LOXHD1: variants seen among roughly 807,000 people sequenced by gnomAD.
LOXHD1 encodes lipoxygenase homology PLAT domains 1.
LOXHD1 carries 205 observed loss-of-function variants against 248.2 expected under a neutral mutation model. The observed-to-expected ratio is 0.83, with a 90% CI of 0.74 to 0.93. The LOEUF is 0.93. LOXHD1 is among the 40% of genes least tolerant of loss of function. The probability of loss-of-function intolerance (pLI) is 0.00; values close to 1 mark genes in which losing one functional copy is unlikely to be tolerated. For missense variants in LOXHD1, 2,930 were observed against 2,971.6 expected, an observed-to-expected ratio of 0.99 and a Z score of 0.33; for synonymous variants, 1,113 against 1,162.8, an observed-to-expected ratio of 0.96 and a Z score of 0.87.
At chr18:46,577,685 C>T in intron 14 of LOXHD1, 22 bp downstream of exon 14, 3 of 1,545,798 alleles carry the variant, frequency 1.9e-6, no homozygotes, top group Non-Finnish European at 2.6e-6. Flanking sequence ...GGAGAAAACA[C>T]CAGCAGGCAG....
At chr18:46,597,503 T>A (rs952792284) in intron 8 of LOXHD1, among the ~76,000 whole-genome samples, 4 of 151,700 alleles carry the variant, frequency 2.6e-5, no homozygotes, top group Non-Finnish European at 5.9e-5. Flanking sequence ...ATAAGAAATA[T>A]CTACCACCTT....
chr18:46,637,212 CA>C (rs2038904123), intron 4 of LOXHD1, among the ~76,000 whole-genome samples: 5 of 152,178 alleles, frequency 3.3e-5, no homozygotes, highest in Admixed American at 3.3e-4. Flanking sequence ...ACCCCTTTTT[CA>C]TTCCATTCTC....
chr18:46,609,455 C>A (rs2038471713), intron 6 of LOXHD1, among the ~76,000 whole-genome samples: 1 of 152,200 alleles, frequency 6.6e-6, no homozygotes, highest in Admixed American at 6.5e-5. Context: ...TATCAGACAG[C>A]CTCATTCTTT....
chr18:46,505,877 C>T lies in LOXHD1; in HGVS notation c.5839G>A (p.Gly1947Ser). 6.4e-7 allele frequency: 1 copy of T among 1,551,734 alleles called. No homozygotes were observed. The highest frequency in any genetic ancestry group is 1.2e-5 in the South Asian group (1 of 84,054). ...CAGACCCTCAGCTTGCAGAGGTGGCCCAAGCTCAGCATGTCAGGGAAGTTG... is the reference window on the plus strand; with the variant it reads ...CAGACCCTCAGCTTGCAGAGGTGGCTCAAGCTCAGCATGTCAGGGAAGTTG... ...TFNFPDMLSL[G>S]HLCKLRVWHD... is the part of the protein sequence containing the mutation. Residue 1947 changes from glycine (G) to serine (S), a missense_variant, in exon 37 of 41, where the codon GGC becomes AGC. Coordinates refer to ENST00000642948, the MANE Select transcript of LOXHD1 (RefSeq NM_001384474.1).
intron 29 of LOXHD1, among the ~76,000 whole-genome samples, chr18:46,527,146 A>T (rs545151514): frequency 6.6e-6 from 1 of 152,224 alleles, no homozygotes; most frequent in African/African-American, 2.4e-5. Context: ...AAAAAAAAAA[A>T]AACGGAATCT....
chr18:46,624,455 C>T (rs1039447072), intron 4 of LOXHD1, among the ~76,000 whole-genome samples: 1 of 152,224 alleles, frequency 6.6e-6, no homozygotes, highest in Non-Finnish European at 1.5e-5. Context: ...GGGGACAATG[C>T]CATGTGCCGG....
rs79093628 is a variant in LOXHD1, at chr18:46,502,183, C to T, written c.5878+3655G>A. Among the ~76,000 whole-genome samples, 1,149 of 152,280 alleles carry T rather than the reference C, an allele frequency of 7.5e-3. 16 individuals are homozygous for T. The highest frequency in any genetic ancestry group is 0.026 in the African/African-American group (1,076 of 41,534). On this transcript the variant is annotated intron_variant, in intron 37 of 40. Coordinates refer to ENST00000642948, the MANE Select transcript of LOXHD1 (RefSeq NM_001384474.1). ...TATGGAGTAGGGAATTGACATACCA[C>T]ATCTTGGGATTTTACTTTTTGAATC...
At chr18:46,656,781 TG>T in intron 1 of LOXHD1, 122 bp downstream of exon 1, 1 of 1,123,006 alleles carries the variant, frequency 8.9e-7, no homozygotes, top group Non-Finnish European at 1.3e-6. Context: ...AACAGACACA[TG>T]GGATAATCAG....
chr18:46,628,273 C>T (rs757878823), intron 4 of LOXHD1, among the ~76,000 whole-genome samples: 30 of 152,118 alleles, frequency 2.0e-4, no homozygotes, highest in Non-Finnish European at 3.5e-4. Flanking sequence ...CCCCTCTTTC[C>T]GGAGATGATT....
intron 2 of LOXHD1, among the ~76,000 whole-genome samples, chr18:46,646,263 T>C (rs2039028774): frequency 1.3e-5 from 2 of 152,182 alleles, no homozygotes; most frequent in African/African-American, 4.8e-5. Context: ...GGGCAGCCGA[T>C]GGCCTGAGAT....
Position 46,515,467 on chromosome 18 carries a change from G to GA in LOXHD1, c.5399+2661dup, listed in dbSNP as rs375747594. On this transcript the variant is annotated intron_variant, in intron 34 of 40. Coordinates refer to ENST00000642948, the MANE Select transcript of LOXHD1 (RefSeq NM_001384474.1). ...CCCTCACAAAATAAATCTTTATTCA[G>GA]AAAAAAAAAATCTTTTAACTAGCAA... Among the ~76,000 whole-genome samples the GA allele has an allele frequency of 2.0e-3, 293 of 148,472 alleles. 1 individual carries two copies. The highest frequency in any genetic ancestry group is 5.5e-3 in the African/African-American group (225 of 40,578).
chr18:46,635,898 A>G (rs768503788), intron 4 of LOXHD1, among the ~76,000 whole-genome samples: 5 of 152,168 alleles, frequency 3.3e-5, no homozygotes, highest in African/African-American at 4.8e-5. Flanking sequence ...AGATGGATTG[A>G]GGGAGCACAA....
At position 46,639,659 on chromosome 18, in the gene LOXHD1, G is replaced by A; in HGVS notation, c.468C>T (p.Cys156=). The A allele has an allele frequency of 6.4e-7, 1 of 1,551,766 alleles. No individual in the cohort carries two copies. Among genetic ancestry groups the A allele is most frequent in the Non-Finnish European group, 8.7e-7 (1 of 1,146,992 alleles). ...GGTTGAAGCTGGCCAGCAGGTCACG[G>A]CACCACTGGCGGTCACCTTCCACCT... ...LSKVEGDRQW[C]RDLLASFNPM... Residue 156 remains cysteine (C), a synonymous_variant, in exon 4 of 41, where the codon TGC becomes TGT. Coordinates refer to ENST00000642948, the MANE Select transcript of LOXHD1 (RefSeq NM_001384474.1).
At chr18:46,539,984 G>A (rs2036485777) in intron 25 of LOXHD1, among the ~76,000 whole-genome samples, 2 of 152,158 alleles carry the variant, frequency 1.3e-5, no homozygotes, top group Admixed American at 1.3e-4. Flanking sequence ...TAGGGCTGTA[G>A]TAGTGATACT....
chr18:46,517,603 T>C (rs185198291), intron 34 of LOXHD1, among the ~76,000 whole-genome samples: 232 of 152,276 alleles, frequency 1.5e-3, no homozygotes, highest in African/African-American at 5.2e-3. Flanking sequence ...GACCCTTGTC[T>C]TCTTGGTTAT....
intron 5 of LOXHD1, among the ~76,000 whole-genome samples, chr18:46,611,156 A>G (rs2038502501): frequency 6.6e-6 from 1 of 152,148 alleles, no homozygotes; most frequent in African/African-American, 2.4e-5. Context: ...GCCTTACTCT[A>G]GAGTCCCGAT....
intron 1 of LOXHD1, among the ~76,000 whole-genome samples, chr18:46,652,640 C>T (rs921132548): frequency 2.6e-5 from 4 of 152,218 alleles, no homozygotes; most frequent in Non-Finnish European, 4.4e-5. Context: ...AACATATGCT[C>T]ACTTGTGACC....
At chr18:46,550,071 A>G (rs1251344734) in intron 21 of LOXHD1, among the ~76,000 whole-genome samples, 2 of 152,226 alleles carry the variant, frequency 1.3e-5, no homozygotes, top group Non-Finnish European at 2.9e-5. Context: ...AAATGTGGAC[A>G]AGGTGACAAA....
intron 12 of LOXHD1, among the ~76,000 whole-genome samples, chr18:46,589,363 T>C (rs1161166324): frequency 6.6e-6 from 1 of 152,182 alleles, no homozygotes; most frequent in East Asian, 1.9e-4. Context: ...AGGCCCTTGC[T>C]TGACAGAAGC....
Sources: gnomAD v4.1 joint callset for allele counts (sites outside exome capture counted in the v4.1 genomes callset) on GRCh38, gnomAD v4.1.1 for gene constraint, MANE v1.5 for transcripts, NCBI Gene and HGNC (gene_info 2026-07-23, HGNC 2026-07-21) for gene names.